The following KCNQ1 variants were observed in gnomAD, a reference collection of about 807,000 sequenced individuals.
The protein encoded by KCNQ1 is potassium voltage-gated channel subfamily KQT member 1.
Under a neutral mutation model 72.4 loss-of-function variants are expected in KCNQ1, and 49 were observed. The ratio of observed to expected loss-of-function variants is 0.68; its 90% CI spans 0.54 to 0.86. The LOEUF (loss-of-function observed/expected upper bound fraction) is 0.86, where lower values mean the gene tolerates loss of function less well. Ranked by LOEUF, KCNQ1 falls within the 40% of genes least tolerant of loss-of-function variation. The pLI is 0.00. For missense variants in KCNQ1, 790 were observed against 945.1 expected, an observed-to-expected ratio of 0.84 and a Z score of 2.15; for synonymous variants, 450 against 412.6, an observed-to-expected ratio of 1.09 and a Z score of -1.10.
At position 2,659,630 on chromosome 11, in the gene KCNQ1, G is replaced by A. The variant is rs940000721; in HGVS notation, c.1394-2331G>A. ...ACTTGGGTGGGAAAGGAACCGATAG[G>A]TCATGTGGTATGTGTATGTTTAACT... is the stretch of plus-strand genomic sequence containing the variant. On this transcript the variant is annotated intron_variant, in intron 10 of 15. Coordinates refer to ENST00000155840, the MANE Select transcript of KCNQ1 (RefSeq NM_000218.3). This position sits in a 1 kb window ranked among gnomAD's most constrained non-coding sequence, Gnocchi z 4.3. 12 of 398,404 alleles carry A rather than the reference G, an allele frequency of 3.0e-5. No homozygotes were observed. The highest frequency in any genetic ancestry group is 2.2e-4 in the Admixed American group (5 of 22,714). The allele number at this position is 398,404 out of a possible 1,614,324, so 24.7% of individuals were successfully genotyped here.
chr11:2,764,095 A>G lies in KCNQ1; in HGVS notation c.1515-4749A>G, dbSNP rs1357454693. On this transcript the variant is annotated intron_variant, in intron 11 of 15. Coordinates refer to ENST00000155840, the MANE Select transcript of KCNQ1 (RefSeq NM_000218.3). This position sits in a 1 kb window ranked among gnomAD's most constrained non-coding sequence, Gnocchi z 4.8. The stretch of plus-strand genomic sequence containing the variant: ...CTGGACAATGTGAAATAGAAACGAT[A>G]ACATCCTTGCCTTGCTTCCTGTCTC... 6.6e-6 allele frequency among the ~76,000 whole-genome samples: 1 copy of G among 152,204 alleles called. No homozygotes were observed. The highest frequency in any genetic ancestry group is 2.4e-5 in the African/African-American group (1 of 41,444).
intron 1 of KCNQ1, among the ~76,000 whole-genome samples, chr11:2,501,247 G>GT (rs55653039): frequency 0.75 from 111,682 of 148,876 alleles, 41,952 homozygotes; most frequent in Non-Finnish European, 0.78. Context: ...TAAAAAGTTG[G>GT]TTTTTTTTTT....
At chr11:2,514,148 A>G (rs572246278) in intron 1 of KCNQ1, among the ~76,000 whole-genome samples, 1 of 152,272 alleles carries the variant, frequency 6.6e-6, no homozygotes, top group Admixed American at 6.5e-5. Context: ...CTCCCCTGCC[A>G]TTATCGTACC....
intron 15 of KCNQ1, among the ~76,000 whole-genome samples, chr11:2,842,994 G>A (rs1193464841): frequency 2.0e-5 from 3 of 152,168 alleles, no homozygotes; most frequent in African/African-American, 4.8e-5. Flanking sequence ...CCCCAGACCC[G>A]CTGCGGCACA....
At chr11:2,561,208 A>AAAAAG (rs1848161129) in intron 2 of KCNQ1, among the ~76,000 whole-genome samples, 1 of 147,660 alleles carries the variant, frequency 6.8e-6, no homozygotes, top group East Asian at 2.0e-4. Context: ...CTCAAAAAAA[A>AAAAAG]AAAAAAAGAA....
intron 11 of KCNQ1, among the ~76,000 whole-genome samples, chr11:2,737,067 A>G (rs371866209): frequency 1.1e-4 from 17 of 152,282 alleles, no homozygotes; most frequent in African/African-American, 3.4e-4. Flanking sequence ...ACCACTTTCC[A>G]TTAGTGGGTC....
chr11:2,673,056 G>A lies in KCNQ1; in HGVS notation c.1514+10975G>A, dbSNP rs1003467549. 5.0e-6 allele frequency: 2 copies of A among 398,724 alleles called. No individual in the cohort carries two copies. Among genetic ancestry groups the A allele is most frequent in the Non-Finnish European group, 8.8e-6 (2 of 226,222 alleles). The allele number at this position is 398,724 out of a possible 1,614,324, so 24.7% of individuals were successfully genotyped here. A position where few individuals can be genotyped will look rare whatever the true frequency, so the allele number is the denominator to read the frequency against. On this transcript the variant is annotated intron_variant, in intron 11 of 15. Transcript: ENST00000155840. This position sits in a 1 kb window ranked among gnomAD's most constrained non-coding sequence, Gnocchi z 4.5. ...GGTCTAGGGCTGGCCAAAAGGGACA[G>A]TGAAGTTGGCTTCTCAGGCCACAGT...
Position 2,620,166 on chromosome 11 carries a change from C to T in KCNQ1, c.1393+31312C>T. Reference sequence around the variant, plus strand: ...TTAAGATAGTGGCCTCTAGCTGCATCCATGTTGCTGCAAAGGACGTAAGTT... The same window carrying T: ...TTAAGATAGTGGCCTCTAGCTGCATTCATGTTGCTGCAAAGGACGTAAGTT... On this transcript the variant is annotated intron_variant, in intron 10 of 15. Coordinates refer to ENST00000155840, the MANE Select transcript of KCNQ1 (RefSeq NM_000218.3). This position sits in a 1 kb window ranked among gnomAD's most constrained non-coding sequence, Gnocchi z 4.5. 2.5e-6 allele frequency: 1 copy of T among 395,350 alleles called. No individual in the cohort carries two copies. The highest frequency in any genetic ancestry group is 4.4e-5 in the Admixed American group (1 of 22,616). The allele number at this position is 395,350 out of a possible 1,614,324, so 24.5% of individuals were successfully genotyped here.
chr11:2,677,530 G>C lies in KCNQ1; in HGVS notation c.1514+15449G>C, dbSNP rs1355666623. The C allele has an allele frequency of 2.5e-6, 1 of 398,522 alleles. No homozygotes were observed. Among genetic ancestry groups the C allele is most frequent in the Admixed American group, 4.4e-5 (1 of 22,718 alleles). 24.7% of individuals were successfully genotyped at this position (398,522 alleles called of 1,614,324 possible). A position where few individuals can be genotyped will look rare whatever the true frequency, so the allele number is the denominator to read the frequency against. Reference sequence around the variant, plus strand: ...TGTGGAAGTGCTGCCAACATCCTCTGCCAAGTATAAAAGATGCCCTCAGAT... The same window carrying C: ...TGTGGAAGTGCTGCCAACATCCTCTCCCAAGTATAAAAGATGCCCTCAGAT... On this transcript the variant is annotated intron_variant, in intron 11 of 15. Coordinates refer to ENST00000155840, the MANE Select transcript of KCNQ1 (RefSeq NM_000218.3). This position sits in a 1 kb window ranked among gnomAD's most constrained non-coding sequence, Gnocchi z 4.5.
At chr11:2,835,021 A>G (rs2134073663) in intron 15 of KCNQ1, among the ~76,000 whole-genome samples, 1 of 152,212 alleles carries the variant, frequency 6.6e-6, no homozygotes, top group African/African-American at 2.4e-5. Context: ...GAATTCAGAG[A>G]ATCCTGTCCT....
chr11:2,522,601 T>C (rs1255544304), intron 1 of KCNQ1, among the ~76,000 whole-genome samples: 1 of 152,246 alleles, frequency 6.6e-6, no homozygotes, highest in Non-Finnish European at 1.5e-5. Context: ...CTGGAGTAGA[T>C]AAAAGTAAGC....
At position 2,544,575 on chromosome 11, in the gene KCNQ1, G is replaced by GTCATTTGTTTCATATT. The variant is rs1847878886; in HGVS notation, c.477+16558_477+16559insCATTTGTTTCATATTT. ...GTATAGGTCTTGTACATCTTTTGAG[G>GTCATTTGTTTCATATT]TACCTAAGTGTTTCATATTTTTTAT... On this transcript the variant is annotated intron_variant, in intron 2 of 15. Coordinates refer to ENST00000155840, the MANE Select transcript of KCNQ1 (RefSeq NM_000218.3). This position sits in a 1 kb window ranked among gnomAD's most constrained non-coding sequence, Gnocchi z 4.4. Among the ~76,000 whole-genome samples the GTCATTTGTTTCATATT allele has an allele frequency of 6.6e-6, 1 of 150,666 alleles. No homozygotes were observed. The highest frequency in any genetic ancestry group is 6.6e-5 in the Admixed American group (1 of 15,074).
intron 1 of KCNQ1, among the ~76,000 whole-genome samples, chr11:2,517,796 C>T (rs759153621): frequency 2.6e-5 from 4 of 152,216 alleles, no homozygotes; most frequent in Non-Finnish European, 2.9e-5. Context: ...GCCCGCAGCT[C>T]ACGTCAGAGC....
chr11:2,634,133 G>GT lies in KCNQ1; in HGVS notation c.1394-27827dup, dbSNP rs1291405705. ...GCTATTTCGGTGAAGATTGTCTTTG[G>GT]TATTTTTTTTTTTTTAGATTTCTCT... On this transcript the variant is annotated intron_variant, in intron 10 of 15. Coordinates refer to ENST00000155840, the MANE Select transcript of KCNQ1 (RefSeq NM_000218.3). 1.7e-3 allele frequency: 471 copies of GT among 280,736 alleles called. No individual in the cohort carries two copies. The highest frequency in any genetic ancestry group is 4.8e-3 in the South Asian group (19 of 3,978). The allele number at this position is 280,736 out of a possible 1,614,324, so 17.4% of individuals were successfully genotyped here.
intron 2 of KCNQ1, among the ~76,000 whole-genome samples, chr11:2,534,354 C>G (rs957991979): frequency 2.0e-5 from 3 of 152,252 alleles, no homozygotes; most frequent in Admixed American, 2.0e-4. Flanking sequence ...GGCGGTTTCC[C>G]GCAGCACCAT....
chr11:2,629,571 C>T, intron 10 of KCNQ1: 5 of 398,414 alleles, frequency 1.3e-5, no homozygotes, highest in Non-Finnish European at 1.8e-5. Context: ...TTCCTGGCAC[C>T]ATTTGTTGAA....
intron 1 of KCNQ1, among the ~76,000 whole-genome samples, chr11:2,514,699 G>A (rs566324655): frequency 5.9e-5 from 9 of 152,334 alleles, no homozygotes; most frequent in Middle Eastern, 3.4e-3. Flanking sequence ...GGTGGCGGGC[G>A]CCTGTAGTCC....
chr11:2,600,301 G>T lies in KCNQ1; in HGVS notation c.1393+11447G>T, dbSNP rs1848783589. Reference sequence around the variant, plus strand: ...CTGCTGAGCTAAAGCAGTCCCTCAGGATTGTTTCTTAAAACAAAACAAACT... The same window carrying T: ...CTGCTGAGCTAAAGCAGTCCCTCAGTATTGTTTCTTAAAACAAAACAAACT... On this transcript the variant is annotated intron_variant, in intron 10 of 15. Coordinates refer to ENST00000155840, the MANE Select transcript of KCNQ1 (RefSeq NM_000218.3). This position sits in a 1 kb window ranked among gnomAD's most constrained non-coding sequence, Gnocchi z 5.6. Among the ~76,000 whole-genome samples the T allele has an allele frequency of 6.6e-6, 1 of 152,068 alleles. No individual in the cohort carries two copies. The highest frequency in any genetic ancestry group is 1.5e-5 in the Non-Finnish European group (1 of 68,010).
In KCNQ1 at chr11:2,447,509, G is replaced by A. The variant is rs1382431111; in HGVS notation, c.386+2025G>A. On this transcript the variant is annotated intron_variant, in intron 1 of 15. Coordinates refer to ENST00000155840, the MANE Select transcript of KCNQ1 (RefSeq NM_000218.3). This position sits in a 1 kb window ranked among gnomAD's most constrained non-coding sequence, Gnocchi z 7.6. ...TGGGCAGGACATGTGGCTTGGTGGG[G>A]GCCTGGGAGATGCGCTCCCACCCTC... is the stretch of plus-strand genomic sequence containing the variant. Among the ~76,000 whole-genome samples, 2 of 152,098 alleles carry A rather than the reference G, an allele frequency of 1.3e-5. No individual in the cohort carries two copies. The highest frequency in any genetic ancestry group is 4.8e-5 in the African/African-American group (2 of 41,416).
Sources: gnomAD v4.1 joint callset for allele counts (sites outside exome capture counted in the v4.1 genomes callset) on GRCh38, gnomAD v4.1.1 for gene constraint, Gnocchi (gnomAD v3.1) non-coding constraint, MANE v1.5 for transcripts, NCBI Gene and HGNC (gene_info 2026-07-23, HGNC 2026-07-21) for gene names.